Variants in IGF2BP3 observed in about 807,000 individuals in gnomAD.
The protein encoded by IGF2BP3 is insulin like growth factor 2 mRNA binding protein 3.
Under a neutral mutation model 73.8 loss-of-function variants are expected in IGF2BP3, and 9 were observed. That is an observed-to-expected ratio of 0.12 (90% CI 0.07 to 0.21). The LOEUF is 0.21. IGF2BP3 is among the 10% of genes least tolerant of loss of function. IGF2BP3 has a pLI of 1.00. For missense variants in IGF2BP3, 542 were observed against 714.0 expected, an observed-to-expected ratio of 0.76 and a Z score of 2.75; for synonymous variants, 258 against 256.7, an observed-to-expected ratio of 1.01 and a Z score of -0.05.
intron 3 of IGF2BP3, among the ~76,000 whole-genome samples, chr7:23,377,012 A>G (rs1785742735): frequency 6.6e-6 from 1 of 152,254 alleles, no homozygotes; most frequent in African/African-American, 2.4e-5. Context: ...GTTAAACATG[A>G]GGAATGGTTA....
At chr7:23,364,017 T>C (rs1015794659) in intron 3 of IGF2BP3, among the ~76,000 whole-genome samples, 3 of 152,198 alleles carry the variant, frequency 2.0e-5, no homozygotes, top group Non-Finnish European at 4.4e-5. Flanking sequence ...GGCGGGTGTA[T>C]CACCTGAGGT....
In IGF2BP3 at chr7:23,351,569, T is replaced by C. The variant is rs778612348; in HGVS notation, c.419A>G (p.Asn140Ser). Residue 140 changes from asparagine (N) to serine (S), a missense_variant, in exon 6 of 15, where the codon AAT becomes AGT. Around this residue, in one of 2 missense-constraint regions of IGF2BP3, gnomAD observed 239 missense variants for 241.9 expected, o/e 0.99. Coordinates refer to ENST00000258729, the MANE Select transcript of IGF2BP3 (RefSeq NM_006547.3). ...DQARQALDKL[N>S]GFQLENFTLK... ...GGTGAAATTCTCTAACTGAAATCCA[T>C]TCAGTTTGTCTAGTGCTCTGAAAGT... 31 of 1,613,998 alleles carry C rather than the reference T, an allele frequency of 1.9e-5. No individual in the cohort carries two copies. The South Asian group carries it at 3.4e-4, about 18-fold the overall frequency.
At position 23,342,203 on chromosome 7, in the gene IGF2BP3, A is replaced by T. The variant is rs1784729983; in HGVS notation, c.1078-14T>A. Reference sequence around the variant, plus strand: ...ATGTGCTTGAAGCTGCAACAGTAAAAAGGCCCCTTAATTTGACAATTAAAA... The same window carrying T: ...ATGTGCTTGAAGCTGCAACAGTAAATAGGCCCCTTAATTTGACAATTAAAA... On this transcript the variant is annotated splice_polypyrimidine_tract_variant and intron_variant, in intron 9 of 14. Transcript: ENST00000258729. 6.2e-7 allele frequency: 1 copy of T among 1,612,986 alleles called. No homozygotes were observed. The highest frequency in any genetic ancestry group is 8.5e-7 in the Non-Finnish European group (1 of 1,179,338).
At chr7:23,402,690 G>T (rs1364787805) in intron 3 of IGF2BP3, 1 of 152,124 alleles carries the variant, frequency 6.6e-6, no homozygotes, top group Non-Finnish European at 1.5e-5. Flanking sequence ...AGACTGACAA[G>T]AATTTTATGT....
At chr7:23,327,092 T>TA (rs893716333) in intron 10 of IGF2BP3, among the ~76,000 whole-genome samples, 2 of 151,596 alleles carry the variant, frequency 1.3e-5, no homozygotes, top group African/African-American at 4.9e-5. Context: ...ATTAATTAAT[T>TA]AAAAAAGAAG....
chr7:23,359,398 A>G (rs1785170651), intron 5 of IGF2BP3, among the ~76,000 whole-genome samples: 1 of 152,236 alleles, frequency 6.6e-6, no homozygotes, highest in African/African-American at 2.4e-5. Flanking sequence ...TAACTATTAA[A>G]TAAGCATTTT....
chr7:23,399,899 T>G (rs1786604604), intron 3 of IGF2BP3, among the ~76,000 whole-genome samples: 1 of 152,148 alleles, frequency 6.6e-6, no homozygotes, highest in South Asian at 2.1e-4. Context: ...ACTTTAAAAT[T>G]CCTAAGAAAG....
intron 3 of IGF2BP3, among the ~76,000 whole-genome samples, chr7:23,387,101 G>C (rs541256231): frequency 6.6e-6 from 1 of 151,798 alleles, no homozygotes; most frequent in South Asian, 2.1e-4. Flanking sequence ...AAAAAGGAAG[G>C]AAGGAAGGTA....
At chr7:23,413,857 C>T (rs992476016) in intron 3 of IGF2BP3, 4 of 152,086 alleles carry the variant, frequency 2.6e-5, no homozygotes, top group African/African-American at 9.7e-5. Context: ...ACAAACCTAC[C>T]TAATTCTCTA....
chr7:23,360,513 A>G (rs1223478783), intron 5 of IGF2BP3, among the ~76,000 whole-genome samples: 1 of 152,210 alleles, frequency 6.6e-6, no homozygotes, highest in East Asian at 1.9e-4. Context: ...GATTTGTACT[A>G]TGTGCATCTT....
At position 23,469,714 on chromosome 7, in the gene IGF2BP3, C is replaced by A. The variant is rs904207366; in HGVS notation, c.175+222G>T. Among the ~76,000 whole-genome samples the A allele has an allele frequency of 6.6e-6, 1 of 151,580 alleles. No homozygotes were observed. The highest frequency in any genetic ancestry group is 2.4e-5 in the African/African-American group (1 of 41,344). On this transcript the variant is annotated intron_variant, in intron 1 of 14. Transcript: ENST00000258729. This position sits in a 1 kb window ranked among gnomAD's most constrained non-coding sequence, Gnocchi z 6.1. ...CGGGGCTTTCTTGACAGCGCGTTCGCCCTCACCCAGCAAACCCCGGCCGGG... is the reference window on the plus strand; with the variant it reads ...CGGGGCTTTCTTGACAGCGCGTTCGACCTCACCCAGCAAACCCCGGCCGGG...
At chr7:23,454,611 G>C (rs2128549558) in intron 2 of IGF2BP3, among the ~76,000 whole-genome samples, 1 of 152,222 alleles carries the variant, frequency 6.6e-6, no homozygotes, top group South Asian at 2.1e-4. Context: ...CTCATTTACA[G>C]ATTTTAAAAA....
chr7:23,317,744 C>T (rs555150611), intron 11 of IGF2BP3, 31 bp from the exon 12 acceptor site: 8 of 1,581,198 alleles, frequency 5.1e-6, no homozygotes, highest in South Asian at 3.3e-5. Context: ...AGTTATGATA[C>T]TTTCAGGTAT....
intron 6 of IGF2BP3, 84 bp from the exon 7 acceptor site, chr7:23,347,818 C>G (rs1784870843): frequency 6.5e-6 from 10 of 1,533,970 alleles, no homozygotes; most frequent in Non-Finnish European, 8.9e-6. Context: ...AATGCAAAGT[C>G]ATAGGGCTTC....
At chr7:23,399,913 T>A (rs1786605338) in intron 3 of IGF2BP3, among the ~76,000 whole-genome samples, 1 of 152,172 alleles carries the variant, frequency 6.6e-6, no homozygotes, top group Non-Finnish European at 1.5e-5. Context: ...AAGAAAGGAA[T>A]CACATTTCTA....
chr7:23,367,530 C>A (rs1245037120), intron 3 of IGF2BP3, among the ~76,000 whole-genome samples: 1 of 151,352 alleles, frequency 6.6e-6, no homozygotes, highest in Admixed American at 6.6e-5. Context: ...TAAATAAAAT[C>A]TTAAACCAGA....
chr7:23,404,696 T>C (rs1465946619), intron 3 of IGF2BP3, among the ~76,000 whole-genome samples: 1 of 150,552 alleles, frequency 6.6e-6, no homozygotes, highest in African/African-American at 2.5e-5. Context: ...AATTACTGAA[T>C]AGTAATATTG....
chr7:23,410,649 G>C (rs148097584), intron 3 of IGF2BP3, among the ~76,000 whole-genome samples: 1 of 152,288 alleles, frequency 6.6e-6, no homozygotes, highest in East Asian at 1.9e-4. Flanking sequence ...TCTTTAAACA[G>C]AGAACTTTAC....
chr7:23,460,225 A>T (rs1013673564), intron 2 of IGF2BP3, among the ~76,000 whole-genome samples: 1 of 146,590 alleles, frequency 6.8e-6, no homozygotes, highest in Non-Finnish European at 1.5e-5. Context: ...CACACTCACC[A>T]GAAATGTTAA....
Sources: gnomAD v4.1 joint callset for allele counts (sites outside exome capture counted in the v4.1 genomes callset) on GRCh38, gnomAD v4.1.1 for gene constraint, gnomAD v4.1.1 regional missense constraint, Gnocchi (gnomAD v3.1) non-coding constraint, MANE v1.5 for transcripts, NCBI Gene and HGNC (gene_info 2026-07-23, HGNC 2026-07-21) for gene names.